Variants in SHISA6 observed in about 807,000 individuals in gnomAD.
SHISA6 encodes shisa family member 6.
SHISA6 carries 22 observed loss-of-function variants against 47.9 expected under a neutral mutation model. The ratio of observed to expected loss-of-function variants is 0.46; its 90% confidence interval spans 0.33 to 0.66. The LOEUF (loss-of-function observed/expected upper bound fraction) is 0.66, where lower values mean the gene tolerates loss of function less well. Among genes scored for constraint, SHISA6 ranks in the 30% least tolerant of loss-of-function variants. The probability of loss-of-function intolerance (pLI) is 0.02; values close to 1 mark genes in which losing one functional copy is unlikely to be tolerated. For missense variants in SHISA6, 680 were observed against 764.6 expected (o/e 0.89, Z 1.30); for synonymous variants, 388 against 337.8 (o/e 1.15, Z -1.63).
rs185664037 is a variant in SHISA6, at chr17:11,360,029, C to A, written c.800-19385C>A. Among the ~76,000 whole-genome samples the A allele has an allele frequency of 9.9e-5, 15 of 152,276 alleles. No individual in the cohort carries two copies. In the East Asian group the frequency reaches 2.9e-3, roughly 29 times the overall value. On this transcript the variant is annotated intron_variant, in intron 2 of 5. Coordinates refer to ENST00000441885, the MANE Select transcript of SHISA6 (RefSeq NM_207386.4). ...GACACATGCACATGTATGTTTATTG[C>A]AGCACAATTTACCATAGCAAAGACT...
At chr17:11,391,844 C>T (rs1227921188) in intron 3 of SHISA6, among the ~76,000 whole-genome samples, 2 of 152,116 alleles carry the variant, frequency 1.3e-5, no homozygotes, top group Admixed American at 1.3e-4. Context: ...AGGTGGGGAG[C>T]TTTTCCCCCA....
At chr17:11,492,262 C>T (rs1190276836) in intron 3 of SHISA6, among the ~76,000 whole-genome samples, 1 of 152,098 alleles carries the variant, frequency 6.6e-6, no homozygotes, top group Admixed American at 6.5e-5. Context: ...AAATATTCAG[C>T]CTCTTAGTGT....
chr17:11,461,886 T>C (rs1336077512), intron 3 of SHISA6, among the ~76,000 whole-genome samples: 1 of 152,188 alleles, frequency 6.6e-6, no homozygotes, highest in Admixed American at 6.5e-5. Context: ...GGGAGGGGTA[T>C]TCCCTCCTAG....
intron 2 of SHISA6, among the ~76,000 whole-genome samples, chr17:11,293,535 C>G (rs1239103817): frequency 6.6e-6 from 1 of 152,114 alleles, no homozygotes; most frequent in Non-Finnish European, 1.5e-5. Flanking sequence ...CCTGGGCATC[C>G]TCGGAAGTAC....
rs139644268 is a variant in SHISA6, at chr17:11,284,652, T to A, written c.799+21126T>A. 6.9e-3 allele frequency among the ~76,000 whole-genome samples: 1,052 copies of A among 152,352 alleles called. 7 individuals are homozygous for A. Among genetic ancestry groups the A allele is most frequent in the Middle Eastern group, 0.014 (4 of 294 alleles). ...CTCATTGAGGAATGGCTTCTGGTTA[T>A]GTGCTCATTTGAACAAAGTTCTCTA... is the stretch of plus-strand genomic sequence containing the variant. On this transcript the variant is annotated intron_variant, in intron 2 of 5. Transcript: ENST00000441885.
chr17:11,276,639 CCAT>C (rs1908904272), intron 2 of SHISA6, among the ~76,000 whole-genome samples: 1 of 151,628 alleles, frequency 6.6e-6, no homozygotes, highest in African/African-American at 2.4e-5. Flanking sequence ...ATCACCAATA[CCAT>C]CATCATCCTC....
In SHISA6 at chr17:11,284,670, G is replaced by A. The variant is rs111336378; in HGVS notation, c.799+21144G>A. Among the ~76,000 whole-genome samples the A allele has an allele frequency of 7.4e-3, 1,128 of 152,276 alleles. 13 individuals carry two copies. The highest frequency in any genetic ancestry group is 0.024 in the African/African-American group (988 of 41,546). Reference sequence around the variant, plus strand: ...CTGGTTATGTGCTCATTTGAACAAAGTTCTCTATAATAAAATAATTCAGAT... The same window carrying A: ...CTGGTTATGTGCTCATTTGAACAAAATTCTCTATAATAAAATAATTCAGAT... On this transcript the variant is annotated intron_variant, in intron 2 of 5. Coordinates refer to ENST00000441885, the MANE Select transcript of SHISA6 (RefSeq NM_207386.4).
intron 3 of SHISA6, among the ~76,000 whole-genome samples, chr17:11,401,016 G>A (rs1009696289): frequency 6.6e-6 from 1 of 152,128 alleles, no homozygotes; most frequent in Non-Finnish European, 1.5e-5. Flanking sequence ...ATGTTGTTTA[G>A]TTATTTTTGC....
chr17:11,267,580 C>T (rs1274521155), intron 2 of SHISA6, among the ~76,000 whole-genome samples: 1 of 152,180 alleles, frequency 6.6e-6, no homozygotes, highest in Non-Finnish European at 1.5e-5. Context: ...CAAACTTCCA[C>T]GTGGTTCTCC....
chr17:11,490,175 G>C (rs755977740), intron 3 of SHISA6, among the ~76,000 whole-genome samples: 2 of 152,178 alleles, frequency 1.3e-5, no homozygotes, highest in Non-Finnish European at 2.9e-5. Context: ...ATTGGCCTGC[G>C]CTCATAGTTC....
chr17:11,480,239 T>C (rs572465751), intron 3 of SHISA6, among the ~76,000 whole-genome samples: 4 of 152,292 alleles, frequency 2.6e-5, no homozygotes, highest in African/African-American at 9.6e-5. Context: ...CATTCTATTG[T>C]TTGATAATGA....
intron 3 of SHISA6, among the ~76,000 whole-genome samples, chr17:11,459,951 C>T (rs1915653971): frequency 1.3e-5 from 2 of 152,208 alleles, no homozygotes; most frequent in Admixed American, 6.5e-5. Flanking sequence ...AACCCTGATG[C>T]GTTCAAGAGG....
rs1024407598 is a variant in SHISA6, at chr17:11,562,943, C to A, written c.*4639C>A. 1 of 152,414 alleles carries A rather than the reference C, an allele frequency of 6.6e-6. No homozygotes were observed. Among genetic ancestry groups the A allele is most frequent in the African/African-American group, 2.4e-5 (1 of 41,588 alleles). 9.4% of individuals were successfully genotyped at this position (152,414 alleles called of 1,614,324 possible). A position where few individuals can be genotyped will look rare whatever the true frequency, so the allele number is the denominator to read the frequency against. ...TCGTACCTGAAGTTTAAGGGCCTAA[C>A]CATTCAATAGGTCACCAACTGTGTG... On this transcript the variant is annotated 3_prime_UTR_variant, in exon 6 of 6. Transcript: ENST00000441885.
chr17:11,542,034 A>T (rs2071838331), intron 3 of SHISA6, among the ~76,000 whole-genome samples: 1 of 152,226 alleles, frequency 6.6e-6, no homozygotes, highest in African/African-American at 2.4e-5. Context: ...TTATGGTTGA[A>T]CAACTGCTGA....
intron 2 of SHISA6, among the ~76,000 whole-genome samples, chr17:11,300,786 C>G (rs575049978): frequency 4.5e-4 from 68 of 151,900 alleles, no homozygotes; most frequent in Non-Finnish European, 2.8e-4. Flanking sequence ...GGCCAGGAAC[C>G]TGGCTCTTTG....
chr17:11,318,104 T>C lies in SHISA6; in HGVS notation c.799+54578T>C, dbSNP rs182478442. On this transcript the variant is annotated intron_variant, in intron 2 of 5. Coordinates refer to ENST00000441885, the MANE Select transcript of SHISA6 (RefSeq NM_207386.4). Reference sequence around the variant, plus strand: ...GAAAGACAAAAAGACAAAGGCACTTTTTGAAAATATAATCACAGTGCCATT... The same window carrying C: ...GAAAGACAAAAAGACAAAGGCACTTCTTGAAAATATAATCACAGTGCCATT... Among the ~76,000 whole-genome samples the C allele has an allele frequency of 1.9e-3, 278 of 145,586 alleles. 3 individuals are homozygous for C. The highest frequency in any genetic ancestry group is 8.4e-3 in the Admixed American group (118 of 14,122).
chr17:11,241,361 C>T lies in SHISA6; in HGVS notation c.-62C>T, dbSNP rs1907314988. ...GCCCGCGCGGCGGGTCCTCCGAGCC[C>T]GGCCCGCCGGGGGAGCGGCCTGCCG... On this transcript the variant is annotated 5_prime_UTR_variant, in exon 1 of 6. Transcript: ENST00000441885. This position sits in a 1 kb window ranked among gnomAD's most constrained non-coding sequence, Gnocchi z 5.5. 2.0e-6 allele frequency: 2 copies of T among 997,166 alleles called. No homozygotes were observed. The highest frequency in any genetic ancestry group is 3.5e-5 in the African/African-American group (2 of 56,906). The allele number at this position is 997,166 out of a possible 1,614,324, so 61.8% of individuals were successfully genotyped here. A position where few individuals can be genotyped will look rare whatever the true frequency, so the allele number is the denominator to read the frequency against.
intron 3 of SHISA6, among the ~76,000 whole-genome samples, chr17:11,544,268 T>C (rs779712363): frequency 7.2e-5 from 11 of 152,146 alleles, no homozygotes; most frequent in Non-Finnish European, 1.3e-4. Context: ...ATTAAAAGGA[T>C]GACAAGACAG....
intron 3 of SHISA6, among the ~76,000 whole-genome samples, chr17:11,392,020 TGTTCGTA>T (rs1913401663): frequency 6.6e-6 from 1 of 152,176 alleles, no homozygotes; most frequent in Non-Finnish European, 1.5e-5. Context: ...AATAGCAGAT[TGTTCGTA>T]GTTCATACCT....
Sources: allele counts gnomAD v4.1 joint callset (sites outside exome capture counted in the v4.1 genomes callset), GRCh38; gene constraint gnomAD v4.1.1; non-coding constraint Gnocchi (gnomAD v3.1); transcripts MANE v1.5; gene names NCBI Gene and HGNC (gene_info 2026-07-23, HGNC 2026-07-21).